BCAR3: variants seen among roughly 807,000 people sequenced by gnomAD.
BCAR3 encodes BCAR3 adaptor protein, NSP family member.
Under a neutral mutation model 80.1 loss-of-function variants are expected in BCAR3, and 37 were observed. The observed-to-expected ratio is 0.46, with a 90% CI of 0.36 to 0.61. The LOEUF is 0.61. Among genes scored for constraint, BCAR3 ranks in the 20% least tolerant of loss-of-function variants. The pLI, the probability that BCAR3 is intolerant of heterozygous loss-of-function variation, is 0.00. For missense variants in BCAR3, 978 were observed against 1,068.2 expected (o/e 0.92, Z 1.18); for synonymous variants, 389 against 418.9 (o/e 0.93, Z 0.87).
intron 3 of BCAR3, among the ~76,000 whole-genome samples, chr1:93,691,760 A>G (rs2101964118): frequency 6.6e-6 from 1 of 151,720 alleles, no homozygotes; most frequent in East Asian, 1.9e-4. Context: ...TCATTATCCC[A>G]TTTTCCAGGA....
Position 93,582,921 on chromosome 1 carries a change from C to G in BCAR3, c.1066G>C (p.Asp356His). 1 of 1,602,026 alleles carries G rather than the reference C, an allele frequency of 6.2e-7. No individual in the cohort carries two copies. The highest frequency in any genetic ancestry group is 8.5e-7 in the Non-Finnish European group (1 of 1,178,564). Reference protein sequence around the residue: ...CKLPPQSSGVDTSPCPNSPVF... With the variant: ...CKLPPQSSGVHTSPCPNSPVF... Reference sequence around the variant, plus strand: ...GGTGAGTTTGGGCAGGGGCTTGTGTCCACACCCGAGGACTGAGGTGGCAGC... The same window carrying G: ...GGTGAGTTTGGGCAGGGGCTTGTGTGCACACCCGAGGACTGAGGTGGCAGC... Residue 356 changes from aspartate (D) to histidine (H), a missense_variant, in exon 7 of 12, where the codon GAC becomes CAC. Transcript: ENST00000260502.
chr1:93,693,139 A>C (rs10874793), intron 3 of BCAR3, among the ~76,000 whole-genome samples: 106,547 of 152,072 alleles, frequency 0.7, 40,642 homozygotes, highest in East Asian at 0.98. Flanking sequence ...CAAGCCTCCC[A>C]GTGACCTGTG....
chr1:93,740,953 T>G (rs79088050), intron 2 of BCAR3, among the ~76,000 whole-genome samples: 2,388 of 152,280 alleles, frequency 0.016, 59 homozygotes, highest in African/African-American at 0.054. Flanking sequence ...CCGACTTCCA[T>G]ATCCTCTGCA....
chr1:93,608,464 C>A (rs766473988), intron 3 of BCAR3, among the ~76,000 whole-genome samples: 21 of 152,338 alleles, frequency 1.4e-4, no homozygotes, highest in Admixed American at 3.9e-4. Context: ...GCTGACCTCT[C>A]GCGCAGGCTG....
At chr1:93,567,214 C>G in intron 11 of BCAR3, 65 bp downstream of exon 11, 177 of 1,517,378 alleles carry the variant, frequency 1.2e-4, no homozygotes, top group Non-Finnish European at 1.4e-4. Context: ...CAGCCATGCT[C>G]TTCCATTCCT....
At chr1:93,800,328 C>A (rs1379845245) in intron 2 of BCAR3, among the ~76,000 whole-genome samples, 1 of 152,060 alleles carries the variant, frequency 6.6e-6, no homozygotes, top group Non-Finnish European at 1.5e-5. Context: ...AATCCTAGCA[C>A]CTTGGGAGGC....
At chr1:93,814,423 TGCAGTGTATTCCTAA>T (rs1234622175) in intron 2 of BCAR3, among the ~76,000 whole-genome samples, 1 of 152,222 alleles carries the variant, frequency 6.6e-6, no homozygotes, top group Non-Finnish European at 1.5e-5. Flanking sequence ...GAGATGGTCA[TGCAGTGTATTCCTAA>T]GCTAAAGTCT....
chr1:93,698,278 G>A (rs931387850), intron 3 of BCAR3, among the ~76,000 whole-genome samples: 5 of 152,224 alleles, frequency 3.3e-5, no homozygotes, highest in Non-Finnish European at 5.9e-5. Context: ...GCATTTGCTG[G>A]GGAAAGGGGA....
chr1:93,780,291 C>T (rs1217695819), intron 2 of BCAR3, among the ~76,000 whole-genome samples: 2 of 152,190 alleles, frequency 1.3e-5, no homozygotes, highest in East Asian at 1.9e-4. Context: ...CTACCTCTTC[C>T]TTCTGCTTTT....
At chr1:93,758,381 G>A (rs1333994903) in intron 2 of BCAR3, among the ~76,000 whole-genome samples, 1 of 152,236 alleles carries the variant, frequency 6.6e-6, no homozygotes, top group East Asian at 1.9e-4. Flanking sequence ...TCAGCTGGAA[G>A]CTGCAGGGCA....
At chr1:93,820,751 TCA>T (rs1022899563) in intron 2 of BCAR3, among the ~76,000 whole-genome samples, 2 of 152,176 alleles carry the variant, frequency 1.3e-5, no homozygotes, top group Admixed American at 1.3e-4. Context: ...GTGATTGGAC[TCA>T]GTCTCCAACT....
At chr1:93,568,876 G>A (rs984308927) in intron 9 of BCAR3, among the ~76,000 whole-genome samples, 1 of 152,186 alleles carries the variant, frequency 6.6e-6, no homozygotes, top group Non-Finnish European at 1.5e-5. Context: ...AGGCTGGGGT[G>A]CAGTGGTGCG....
At position 93,562,318 on chromosome 1, in the gene BCAR3, ATCTC is replaced by A; in HGVS notation, c.2397_2400del (p.Glu799AspfsTer9). 8.7e-6 allele frequency: 14 copies of A among 1,614,164 alleles called. No individual in the cohort carries two copies. The highest frequency in any genetic ancestry group is 1.2e-5 in the Non-Finnish European group (14 of 1,180,000). ...GTTAAAATCTGGTTGAATTTCTCAT[ATCTC>A]TCTGTCTGATTGACTTGTGCACCTT... On this transcript the variant is annotated frameshift_variant, in exon 12 of 12. Coordinates refer to ENST00000260502, the MANE Select transcript of BCAR3 (RefSeq NM_003567.4). LOFTEE classifies it high-confidence loss of function.
At chr1:93,596,272 G>A (rs960665434) in intron 3 of BCAR3, among the ~76,000 whole-genome samples, 9 of 152,174 alleles carry the variant, frequency 5.9e-5, no homozygotes, top group Admixed American at 2.0e-4. Context: ...TGCATGAGAA[G>A]ACAGAGAATA....
intron 2 of BCAR3, among the ~76,000 whole-genome samples, chr1:93,758,953 G>A (rs1651838541): frequency 6.6e-6 from 1 of 152,168 alleles, no homozygotes; most frequent in Non-Finnish European, 1.5e-5. Context: ...ATGGTGGAAG[G>A]TTCTGGGCCT....
chr1:93,592,792 C>A lies in BCAR3; in HGVS notation c.358-399G>T, dbSNP rs1468077346. ...GGGAGGGCAGCTGTTCCCTTCTGGC[C>A]TTAGATCCTGGGCCTCTGGGCAGTG... On this transcript the variant is annotated intron_variant, in intron 3 of 11. Coordinates refer to ENST00000260502, the MANE Select transcript of BCAR3 (RefSeq NM_003567.4). The surrounding 1 kb of genome is among the most constrained non-coding windows in gnomAD (Gnocchi z 4.8). Among the ~76,000 whole-genome samples the A allele has an allele frequency of 6.6e-6, 1 of 152,206 alleles. No individual in the cohort carries two copies.
At chr1:93,613,857 A>G (rs538814110) in intron 3 of BCAR3, 44 of 1,550,472 alleles carry the variant, frequency 2.8e-5, no homozygotes, top group African/African-American at 8.2e-5. Flanking sequence ...CTTGACTCCA[A>G]TGAAAGACTT....
intron 2 of BCAR3, among the ~76,000 whole-genome samples, chr1:93,774,998 C>A (rs1652495180): frequency 6.6e-6 from 1 of 152,148 alleles, no homozygotes; most frequent in Non-Finnish European, 1.5e-5. Context: ...AAAAAGTAAG[C>A]TAAAATAAAA....
intron 2 of BCAR3, among the ~76,000 whole-genome samples, chr1:93,717,875 G>A (rs1201388869): frequency 1.3e-5 from 2 of 152,140 alleles, no homozygotes; most frequent in African/African-American, 4.8e-5. Context: ...TGCGTTTTTG[G>A]AGGGGTCTAA....
Sources: gnomAD v4.1 joint callset for allele counts (sites outside exome capture counted in the v4.1 genomes callset) on GRCh38, gnomAD v4.1.1 for gene constraint, Gnocchi (gnomAD v3.1) non-coding constraint, MANE v1.5 for transcripts, NCBI Gene and HGNC (gene_info 2026-07-23, HGNC 2026-07-21) for gene names.